Variants in PYY observed in about 807,000 individuals in gnomAD.
PYY encodes the protein peptide tyrosine tyrosine.
In PYY, 12 loss-of-function variants were observed where a neutral mutation model predicts 10.3. That is an observed-to-expected ratio of 1.17 (90% CI 0.75 to 1.89). PYY has a LOEUF of 1.89. Ranked by LOEUF, PYY falls within the 40% of genes most tolerant of loss-of-function variation. PYY has a pLI of 0.00. For missense variants in PYY, 141 were observed against 134.0 expected, an observed-to-expected ratio of 1.05 and a Z score of -0.26; for synonymous variants, 66 against 62.0, an observed-to-expected ratio of 1.06 and a Z score of -0.30.
At chr17:43,979,215 G>T (rs903167281) in intron 1 of PYY, among the ~76,000 whole-genome samples, 2 of 152,192 alleles carry the variant, frequency 1.3e-5, no homozygotes, top group Non-Finnish European at 2.9e-5. Flanking sequence ...TTAGAAACAC[G>T]CATTTTCAGG....
intron 1 of PYY, among the ~76,000 whole-genome samples, chr17:44,001,298 C>T (rs946428855): frequency 1.1e-4 from 17 of 152,188 alleles, no homozygotes; most frequent in African/African-American, 3.6e-4. Flanking sequence ...TATGTCTCTG[C>T]TCCCAGGATC....
chr17:43,989,899 T>TATATATAC (rs2048945101), intron 1 of PYY, among the ~76,000 whole-genome samples: 1 of 58,720 alleles, frequency 1.7e-5, no homozygotes, highest in Non-Finnish European at 3.1e-5. Context: ...TATATATATA[T>TATATATAC]ACACACAAAT....
At chr17:43,985,909 T>A (rs962233505) in intron 1 of PYY, among the ~76,000 whole-genome samples, 6 of 152,136 alleles carry the variant, frequency 3.9e-5, no homozygotes, top group Non-Finnish European at 8.8e-5. Context: ...TAATTCCAAT[T>A]TCGTAAAATA....
intron 1 of PYY, among the ~76,000 whole-genome samples, chr17:43,988,418 C>T (rs1262461585): frequency 6.6e-6 from 1 of 152,178 alleles, no homozygotes; most frequent in African/African-American, 2.4e-5. Context: ...TAACTGAAAT[C>T]ACAGATCAGA....
At chr17:43,954,664 A>G (rs532792434), upstream of PYY, among the ~76,000 whole-genome samples, 1 of 152,110 alleles carries the variant, frequency 6.6e-6, no homozygotes, top group Non-Finnish European at 1.5e-5. Context: ...CAGTCCAGCC[A>G]TGTGTGGTAT....
chr17:43,966,723 C>T (rs1003525579), intron 1 of PYY, among the ~76,000 whole-genome samples: 1 of 152,138 alleles, frequency 6.6e-6, no homozygotes, highest in Non-Finnish European at 1.5e-5. Context: ...TATTTGTATG[C>T]TTGTTGTCTG....
chr17:43,972,215 A>ATTTT (rs1432476136), intron 1 of PYY, among the ~76,000 whole-genome samples: 1 of 147,578 alleles, frequency 6.8e-6, no homozygotes, highest in Non-Finnish European at 1.5e-5. Context: ...TTATTTATTT[A>ATTTT]TTTATTTATT....
chr17:43,995,171 T>C (rs943127299), intron 1 of PYY, among the ~76,000 whole-genome samples: 3 of 152,214 alleles, frequency 2.0e-5, no homozygotes, highest in African/African-American at 7.2e-5. Flanking sequence ...TTTTGGCGGC[T>C]GGACCTGCGC....
At chr17:43,964,196 AT>A (rs2048738929) in intron 2 of PYY, among the ~76,000 whole-genome samples, 1 of 152,094 alleles carries the variant, frequency 6.6e-6, no homozygotes, top group South Asian at 2.1e-4. Context: ...TTATTCTTTT[AT>A]TTTTGTAGAA....
At chr17:43,986,617 G>A (rs2048917521) in intron 1 of PYY, among the ~76,000 whole-genome samples, 1 of 152,254 alleles carries the variant, frequency 6.6e-6, no homozygotes, top group South Asian at 2.1e-4. Flanking sequence ...ATCTGTAAAT[G>A]GAAAGAACAA....
At chr17:43,973,527 C>T (rs2143922910) in intron 1 of PYY, among the ~76,000 whole-genome samples, 1 of 152,358 alleles carries the variant, frequency 6.6e-6, no homozygotes, top group East Asian at 1.9e-4. Flanking sequence ...GGCGTGGTTG[C>T]TCACGTCTGT....
intron 1 of PYY, among the ~76,000 whole-genome samples, chr17:43,974,091 C>T (rs890603890): frequency 6.6e-6 from 1 of 152,092 alleles, no homozygotes; most frequent in South Asian, 2.1e-4. Context: ...CTCCCCTTCC[C>T]ATTGCAATTT....
At chr17:43,956,367 CTTG>C (rs1219516387), upstream of PYY, among the ~76,000 whole-genome samples, 7 of 152,104 alleles carry the variant, frequency 4.6e-5, no homozygotes, top group African/African-American at 7.2e-5. Flanking sequence ...AGCTTATTAA[CTTG>C]TTGATTAGCG....
At chr17:43,959,760 C>T (rs1292038859) in intron 2 of PYY, among the ~76,000 whole-genome samples, 4 of 152,268 alleles carry the variant, frequency 2.6e-5, no homozygotes, top group Admixed American at 1.3e-4. Context: ...GTGAGGGTCC[C>T]TGGGCGCCAG....
chr17:43,989,023 A>T lies in PYY; in HGVS notation c.-463+15368T>A, dbSNP rs879658956. Among the ~76,000 whole-genome samples, 49 of 150,682 alleles carry T rather than the reference A, an allele frequency of 3.3e-4. 1 individual carries two copies. Among genetic ancestry groups the T allele is most frequent in the Admixed American group, 1.6e-3 (24 of 15,152 alleles). ...GTGATCTGCCCGCCTCAGCCTCCCA[A>T]AGTGCTGAGATTACAAGTGTGAGCC... On this transcript the variant is annotated intron_variant, in intron 1 of 6. Transcript: ENST00000360085.
At chr17:43,972,427 G>T (rs2048800907) in intron 1 of PYY, among the ~76,000 whole-genome samples, 1 of 151,990 alleles carries the variant, frequency 6.6e-6, no homozygotes, top group Non-Finnish European at 1.5e-5. Context: ...GTTGGGCCAG[G>T]CTGGTCTCAA....
intron 1 of PYY, among the ~76,000 whole-genome samples, chr17:43,984,275 G>T (rs1284888085): frequency 2.6e-5 from 4 of 152,182 alleles, no homozygotes; most frequent in South Asian, 2.1e-4. Context: ...GTGCCCTGTC[G>T]GTCCTGGCCT....
chr17:43,955,597 A>G (rs982400923), upstream of PYY, among the ~76,000 whole-genome samples: 24 of 152,118 alleles, frequency 1.6e-4, no homozygotes, highest in Non-Finnish European at 2.5e-4. Flanking sequence ...AGGGAGGAGA[A>G]AAATCATTCT....
At chr17:43,965,530 C>T (rs1295520774) in intron 2 of PYY, among the ~76,000 whole-genome samples, 2 of 149,204 alleles carry the variant, frequency 1.3e-5, no homozygotes, top group African/African-American at 5.0e-5. Flanking sequence ...TGACTCACAC[C>T]TGTAATCTCA....
Sources: gnomAD v4.1 joint callset for allele counts (sites outside exome capture counted in the v4.1 genomes callset) on GRCh38, gnomAD v4.1.1 for gene constraint, MANE v1.5 for transcripts, NCBI Gene and HGNC (gene_info 2026-07-23, HGNC 2026-07-21) for gene names.